The following NELL2 variants were observed in gnomAD, a reference collection of about 807,000 sequenced individuals.
NELL2 encodes the protein protein kinase C-binding protein NELL2.
Under a neutral mutation model 109.6 loss-of-function variants are expected in NELL2, and 41 were observed. That is an observed-to-expected ratio of 0.37 (90% confidence interval 0.29 to 0.49). The LOEUF is 0.49. NELL2 is among the 20% of genes least tolerant of loss of function. NELL2 has a pLI of 0.98. For synonymous variants in NELL2, 355 were observed against 344.7 expected, an observed-to-expected ratio of 1.03 and a Z score of -0.33; for missense variants, 900 against 1,008.3, an observed-to-expected ratio of 0.89 and a Z score of 1.45.
chr12:44,882,389 T>C (rs1055487884), intron 1 of NELL2, among the ~76,000 whole-genome samples: 9 of 151,358 alleles, frequency 5.9e-5, no homozygotes, highest in Non-Finnish European at 1.0e-4. Flanking sequence ...CATACATACG[T>C]GTATACATAT....
intron 13 of NELL2, among the ~76,000 whole-genome samples, chr12:44,649,953 G>A (rs1268491037): frequency 3.3e-5 from 5 of 152,124 alleles, no homozygotes; most frequent in Admixed American, 3.3e-4. Flanking sequence ...TAAAGGAAGG[G>A]TAATACCACT....
chr12:44,834,416 C>A (rs1943982773), intron 2 of NELL2, among the ~76,000 whole-genome samples: 1 of 148,484 alleles, frequency 6.7e-6, no homozygotes, highest in African/African-American at 2.5e-5. Context: ...TGCATGTATA[C>A]CTACACAGAC....
chr12:44,541,192 A>G (rs950098637), intron 15 of NELL2, among the ~76,000 whole-genome samples: 4 of 141,770 alleles, frequency 2.8e-5, no homozygotes, highest in African/African-American at 1.0e-4. Flanking sequence ...CAGAGCTTGC[A>G]GTGAGCCGAG....
chr12:44,545,354 C>A (rs1942749214), intron 15 of NELL2, among the ~76,000 whole-genome samples: 1 of 151,948 alleles, frequency 6.6e-6, no homozygotes. Flanking sequence ...AGGAGGAAAT[C>A]CTTTTAAGAA....
chr12:44,757,374 T>C (rs1484525878), intron 9 of NELL2, among the ~76,000 whole-genome samples: 1 of 152,120 alleles, frequency 6.6e-6, no homozygotes, highest in Non-Finnish European at 1.5e-5. Context: ...CATACTCCCG[T>C]TTAAAACCCT....
chr12:44,886,191 T>G (rs1449432606), intron 1 of NELL2, among the ~76,000 whole-genome samples: 1 of 151,718 alleles, frequency 6.6e-6, no homozygotes, highest in African/African-American at 2.4e-5. Context: ...TACACAATAA[T>G]TAACCTAAAG....
chr12:44,809,638 G>A (rs1776406370), intron 3 of NELL2, among the ~76,000 whole-genome samples: 1 of 152,036 alleles, frequency 6.6e-6, no homozygotes, highest in Non-Finnish European at 1.5e-5. Flanking sequence ...CAGGTTGGGA[G>A]GCCAAATGAA....
intron 1 of NELL2, among the ~76,000 whole-genome samples, chr12:44,884,500 A>G (rs1945449378): frequency 6.6e-6 from 1 of 152,024 alleles, no homozygotes; most frequent in Admixed American, 6.5e-5. Flanking sequence ...ATTTTACACA[A>G]ATATTCCAGA....
intron 13 of NELL2, among the ~76,000 whole-genome samples, chr12:44,649,649 C>A (rs1947233887): frequency 1.3e-5 from 2 of 152,200 alleles, no homozygotes; most frequent in Non-Finnish European, 2.9e-5. Flanking sequence ...TTCCAGACTG[C>A]TCCTCAAGCT....
At chr12:44,803,643 T>C (rs1377339428) in intron 3 of NELL2, among the ~76,000 whole-genome samples, 1 of 152,046 alleles carries the variant, frequency 6.6e-6, no homozygotes, top group Admixed American at 6.6e-5. Context: ...TTAGGAAAAC[T>C]GATGCATACA....
intron 1 of NELL2, among the ~76,000 whole-genome samples, chr12:44,890,720 T>A (rs1023262044): frequency 2.0e-4 from 31 of 151,884 alleles, no homozygotes; most frequent in African/African-American, 4.6e-4. Flanking sequence ...TTTCTTTATT[T>A]TTTTATTTTA....
chr12:44,769,031 T>A (rs1489918851), intron 9 of NELL2, among the ~76,000 whole-genome samples: 1 of 152,194 alleles, frequency 6.6e-6, no homozygotes, highest in African/African-American at 2.4e-5. Flanking sequence ...TGAATTATAT[T>A]CTGCTGATTT....
chr12:44,687,490 C>G (rs1948763911), intron 12 of NELL2, among the ~76,000 whole-genome samples: 3 of 152,188 alleles, frequency 2.0e-5, no homozygotes, highest in African/African-American at 7.2e-5. Flanking sequence ...TTAACCAGGC[C>G]CAAGCTTCCA....
chr12:44,811,048 C>T (rs1943157912), intron 3 of NELL2, among the ~76,000 whole-genome samples: 1 of 151,818 alleles, frequency 6.6e-6, no homozygotes, highest in Admixed American at 6.6e-5. Context: ...AAGCTGAAAG[C>T]CATTATTCTC....
intron 13 of NELL2, among the ~76,000 whole-genome samples, chr12:44,627,824 C>T (rs994541864): frequency 6.6e-6 from 1 of 152,232 alleles, no homozygotes; most frequent in African/African-American, 2.4e-5. Context: ...TCTGCAAGTA[C>T]ATTCAAGAAC....
At chr12:44,670,302 A>G (rs774022353) in intron 12 of NELL2, among the ~76,000 whole-genome samples, 2 of 152,178 alleles carry the variant, frequency 1.3e-5, no homozygotes, top group Non-Finnish European at 2.9e-5. Context: ...ACAAGAAAGT[A>G]TAAAACTCAC....
intron 9 of NELL2, among the ~76,000 whole-genome samples, chr12:44,736,183 G>GT (rs1288187523): frequency 6.6e-6 from 1 of 151,378 alleles, no homozygotes; most frequent in African/African-American, 2.4e-5. Context: ...GCTAATTTTT[G>GT]TATTTTTAGT....
intron 13 of NELL2, among the ~76,000 whole-genome samples, chr12:44,628,037 G>A (rs1302432019): frequency 6.6e-6 from 1 of 152,166 alleles, no homozygotes; most frequent in African/African-American, 2.4e-5. Context: ...ATAAATGGGT[G>A]AAGAGTTCAA....
intron 9 of NELL2, among the ~76,000 whole-genome samples, chr12:44,770,628 C>A (rs368693446): frequency 2.6e-5 from 4 of 152,294 alleles, no homozygotes; most frequent in East Asian, 3.9e-4. Context: ...CCTTGCTCAA[C>A]CAAAAGAATG....
Sources: allele counts gnomAD v4.1 joint callset (sites outside exome capture counted in the v4.1 genomes callset), GRCh38; gene constraint gnomAD v4.1.1; transcripts MANE v1.5; gene names NCBI Gene and HGNC (gene_info 2026-07-23, HGNC 2026-07-21).